Variants in NCOA3 observed in about 807,000 individuals in gnomAD.
NCOA3 encodes nuclear receptor coactivator 3.
Under a neutral mutation model 158.8 loss-of-function variants are expected in NCOA3, and 51 were observed. The observed-to-expected ratio is 0.32, with a 90% CI of 0.26 to 0.41. The LOEUF (loss-of-function observed/expected upper bound fraction) is 0.41, where lower values mean the gene tolerates loss of function less well. Ranked by LOEUF, NCOA3 falls within the 10% of genes least tolerant of loss-of-function variation. NCOA3 has a pLI of 1.00. For synonymous variants in NCOA3, 537 were observed against 592.4 expected (o/e 0.91, Z 1.36); for missense variants, 1,510 against 1,746.6 (o/e 0.86, Z 2.41).
chr20:47,527,277 T>C (rs1223983649), intron 1 of NCOA3, among the ~76,000 whole-genome samples: 2 of 152,092 alleles, frequency 1.3e-5, no homozygotes, highest in Non-Finnish European at 1.5e-5. Context: ...TAAGATGTTA[T>C]GGGTCTGCTG....
chr20:47,593,485 G>A (rs892690841), intron 2 of NCOA3, among the ~76,000 whole-genome samples: 2 of 151,430 alleles, frequency 1.3e-5, no homozygotes, highest in African/African-American at 2.4e-5. Context: ...GCGACTACAG[G>A]CGCCCGCCAC....
intron 12 of NCOA3, among the ~76,000 whole-genome samples, chr20:47,637,021 C>T (rs1181759765): frequency 2.0e-5 from 3 of 151,542 alleles, no homozygotes; most frequent in African/African-American, 7.3e-5. Context: ...CTGGAATGGG[C>T]AGATTGGGTC....
Position 47,653,438 on chromosome 20 carries a change from T to G in NCOA3, c.*21T>G. The G allele has an allele frequency of 6.2e-7, 1 of 1,609,154 alleles. No homozygotes were observed. Among genetic ancestry groups the G allele is most frequent in the Non-Finnish European group, 8.5e-7 (1 of 1,177,686 alleles). ...GCTGACATCTCTGCACCAGGACCTC[T>G]TAAGGAAACCACTGTACAAATGACA... is the stretch of plus-strand genomic sequence containing the variant. On this transcript the variant is annotated 3_prime_UTR_variant, in exon 23 of 23. Coordinates refer to ENST00000371998, the MANE Select transcript of NCOA3 (RefSeq NM_181659.3).
intron 1 of NCOA3, among the ~76,000 whole-genome samples, chr20:47,551,936 G>C (rs1344920570): frequency 6.6e-6 from 1 of 152,124 alleles, no homozygotes. Context: ...TAATTTTACT[G>C]TTGTTTTTTG....
intron 2 of NCOA3, among the ~76,000 whole-genome samples, chr20:47,602,091 G>A (rs2085873776): frequency 6.6e-6 from 1 of 152,124 alleles, no homozygotes; most frequent in Admixed American, 6.5e-5. Context: ...ACAAGCATTT[G>A]GAAGATCAGC....
At chr20:47,599,674 A>C (rs1256218209) in intron 2 of NCOA3, among the ~76,000 whole-genome samples, 1 of 152,206 alleles carries the variant, frequency 6.6e-6, no homozygotes, top group African/African-American at 2.4e-5. Flanking sequence ...TTCCTATCTC[A>C]AACATTGTTA....
At chr20:47,502,300 C>T (rs570647449) in intron 1 of NCOA3, among the ~76,000 whole-genome samples, 1 of 152,104 alleles carries the variant, frequency 6.6e-6, no homozygotes, top group Admixed American at 6.5e-5. Context: ...GAGGGGTCAC[C>T]CGAGGAGTTT....
At chr20:47,571,983 C>T (rs2085302277) in intron 1 of NCOA3, among the ~76,000 whole-genome samples, 1 of 152,168 alleles carries the variant, frequency 6.6e-6, no homozygotes, top group Admixed American at 6.5e-5. Flanking sequence ...CTGCCTTGGC[C>T]TCCCAAAGTG....
rs940785013 is a variant in NCOA3 at position 47,642,383 on chromosome 20, A to G, written c.3251A>G (p.Gln1084Arg). ...RALGIPELVNQGQALEPKQDA... is the reference protein window; with the variant it reads ...RALGIPELVNRGQALEPKQDA... ...TTGGGCATTCCTGAACTTGTCAATC[A>G]GGTAGGTTGCATTAACATGGAAGTA... Residue 1084 changes from glutamine to arginine, a missense_variant and splice_region_variant, in exon 17 of 23, where the codon CAG (glutamine) becomes CGG (arginine). By Grantham distance (43) the Gln-to-Arg change is conservative (BLOSUM62 1). Transcript: ENST00000371998. 6.3e-7 allele frequency: 1 copy of G among 1,591,268 alleles called. No homozygotes were observed. Among genetic ancestry groups the G allele is most frequent in the Non-Finnish European group, 8.5e-7 (1 of 1,171,914 alleles).
At chr20:47,504,574 G>A (rs2083995804) in intron 1 of NCOA3, among the ~76,000 whole-genome samples, 3 of 150,378 alleles carry the variant, frequency 2.0e-5, no homozygotes, top group African/African-American at 7.4e-5. Flanking sequence ...GGAAGCCAAG[G>A]CTGGTGGATC....
intron 14 of NCOA3, 48 bp downstream of exon 14, chr20:47,639,250 T>C: frequency 6.9e-7 from 1 of 1,454,576 alleles, no homozygotes; most frequent in Non-Finnish European, 9.5e-7. Flanking sequence ...GAAAAGCATA[T>C]TTAAAATACT....
At chr20:47,564,267 A>AT (rs140219222) in intron 1 of NCOA3, among the ~76,000 whole-genome samples, 37 of 148,098 alleles carry the variant, frequency 2.5e-4, no homozygotes, top group East Asian at 2.0e-3. Context: ...TTTTGCTTGC[A>AT]TTTTTTTTTT....
intron 1 of NCOA3, among the ~76,000 whole-genome samples, chr20:47,524,916 TTTTA>T (rs780428918): frequency 3.7e-4 from 56 of 152,104 alleles, no homozygotes; most frequent in Non-Finnish European, 6.0e-4. Context: ...TTCTATTTTA[TTTTA>T]TTTATTTATT....
At chr20:47,505,690 T>A (rs2084021153) in intron 1 of NCOA3, among the ~76,000 whole-genome samples, 1 of 152,210 alleles carries the variant, frequency 6.6e-6, no homozygotes, top group East Asian at 1.9e-4. Flanking sequence ...AACTTTTTCT[T>A]ATTTTTTTCT....
At chr20:47,633,877 GA>G in intron 9 of NCOA3, 170 bp from the exon 10 acceptor site, 1 of 896,548 alleles carries the variant, frequency 1.1e-6, no homozygotes, top group Non-Finnish European at 1.7e-6. Context: ...TGAGGGGTAG[GA>G]AAATGATGCC....
intron 1 of NCOA3, among the ~76,000 whole-genome samples, chr20:47,540,019 A>T (rs1338474136): frequency 6.6e-6 from 1 of 152,196 alleles, no homozygotes; most frequent in East Asian, 1.9e-4. Context: ...TACTATCTTC[A>T]TTTGAGAGAG....
At chr20:47,575,611 C>A (rs974790611) in intron 1 of NCOA3, among the ~76,000 whole-genome samples, 1 of 152,170 alleles carries the variant, frequency 6.6e-6, no homozygotes, top group African/African-American at 2.4e-5. Flanking sequence ...CTTACTTTCA[C>A]GTTTTCAGAA....
intron 5 of NCOA3, among the ~76,000 whole-genome samples, chr20:47,626,385 A>G (rs2086321432): frequency 6.6e-6 from 1 of 152,228 alleles, no homozygotes; most frequent in Non-Finnish European, 1.5e-5. Context: ...TGCTTTTCTC[A>G]TTTTTAAAAG....
intron 17 of NCOA3, among the ~76,000 whole-genome samples, chr20:47,645,748 T>C (rs1743376060): frequency 6.6e-6 from 1 of 152,178 alleles, no homozygotes; most frequent in African/African-American, 2.4e-5. Context: ...TGTGTGCCTG[T>C]AGTCCCAGCT....
Sources: allele counts gnomAD v4.1 joint callset (sites outside exome capture counted in the v4.1 genomes callset), GRCh38; gene constraint gnomAD v4.1.1; transcripts MANE v1.5; gene names NCBI Gene and HGNC (gene_info 2026-07-23, HGNC 2026-07-21).